The following DUSP22 variants were observed in gnomAD, a reference collection of about 807,000 sequenced individuals.
DUSP22 encodes the protein dual specificity protein phosphatase 22.
DUSP22 carries 24 observed loss-of-function variants against 24.5 expected under a neutral mutation model. The ratio of observed to expected loss-of-function variants is 0.98; its 90% CI spans 0.71 to 1.38. The LOEUF (loss-of-function observed/expected upper bound fraction) is 1.38, where lower values mean the gene tolerates loss of function less well. DUSP22 is among the 40% of genes most tolerant of loss of function. The pLI is 0.00. For missense variants in DUSP22, 330 were observed against 269.2 expected (o/e 1.23, Z -1.58); for synonymous variants, 160 against 106.4 (o/e 1.50, Z -3.10).
intron 4 of DUSP22, among the ~76,000 whole-genome samples, chr6:345,323 C>T (rs1759810133): frequency 6.6e-6 from 1 of 151,888 alleles, no homozygotes; most frequent in Non-Finnish European, 1.5e-5. Flanking sequence ...AATTCTCCTA[C>T]CTCAGCCTCC....
intron 1 of DUSP22, among the ~76,000 whole-genome samples, chr6:297,597 C>T (rs376954289): frequency 6.6e-6 from 1 of 152,298 alleles, no homozygotes; most frequent in Non-Finnish European, 1.5e-5. Context: ...TTGCCAGTAG[C>T]ACCTCCCCAC....
intron 3 of DUSP22, among the ~76,000 whole-genome samples, chr6:327,402 T>A (rs574336208): frequency 1.1e-4 from 17 of 152,420 alleles, no homozygotes; most frequent in Non-Finnish European, 1.6e-4. Flanking sequence ...GTGGCCAGCC[T>A]GGGAGCAGTG....
At chr6:315,268 C>A (rs1233618401) in intron 3 of DUSP22, among the ~76,000 whole-genome samples, 2 of 152,310 alleles carry the variant, frequency 1.3e-5, no homozygotes, top group Non-Finnish European at 2.9e-5. Flanking sequence ...TTCTGAGGAG[C>A]TCTGACCCGT....
chr6:331,684 G>C (rs928101536), intron 3 of DUSP22, among the ~76,000 whole-genome samples: 2 of 152,306 alleles, frequency 1.3e-5, no homozygotes, highest in African/African-American at 4.8e-5. Flanking sequence ...GTAATTAACT[G>C]TCATGAATTG....
intron 2 of DUSP22, among the ~76,000 whole-genome samples, chr6:308,433 T>C (rs1366445524): frequency 6.6e-6 from 1 of 152,296 alleles, no homozygotes; most frequent in African/African-American, 2.4e-5. Context: ...TTAAGCATTT[T>C]ATGCACTCTG....
chr6:327,825 G>A (rs948003500), intron 3 of DUSP22, among the ~76,000 whole-genome samples: 3 of 152,306 alleles, frequency 2.0e-5, no homozygotes, highest in African/African-American at 2.4e-5. Flanking sequence ...CCGGGAGCAG[G>A]GAAGCACAGA....
At chr6:306,940 C>T (rs1286750061) in intron 2 of DUSP22, among the ~76,000 whole-genome samples, 1 of 152,304 alleles carries the variant, frequency 6.6e-6, no homozygotes, top group East Asian at 1.9e-4. Flanking sequence ...GGGTGATGCC[C>T]TCGGTGGGCT....
intron 3 of DUSP22, among the ~76,000 whole-genome samples, chr6:322,844 G>T (rs1368729670): frequency 7.2e-6 from 1 of 138,010 alleles, no homozygotes; most frequent in Admixed American, 7.1e-5. Flanking sequence ...GCGGGGGGGG[G>T]CCTTCGAGTC....
At position 350,162 on chromosome 6, in the gene DUSP22, C is replaced by T. The variant is rs974060687; in HGVS notation, c.*1211C>T. 2.0e-5 allele frequency: 20 copies of T among 986,172 alleles called. No individual in the cohort carries two copies. The South Asian group carries it at 4.7e-4, about 23-fold the overall frequency. The allele number at this position is 986,172 out of a possible 1,614,324, so 61.1% of individuals were successfully genotyped here. A position where few individuals can be genotyped will look rare whatever the true frequency, so the allele number is the denominator to read the frequency against. On this transcript the variant is annotated 3_prime_UTR_variant, in exon 7 of 7. Coordinates refer to ENST00000419235, the MANE Select transcript of DUSP22 (RefSeq NM_001286555.3). ...GCTTTGCCTCACAGTTGAAAATGTT[C>T]GGTCATGATTGCTTTTGAAACCAAA...
intron 3 of DUSP22, chr6:326,305 T>G (rs1236913374): frequency 1.3e-5 from 3 of 236,958 alleles, no homozygotes; most frequent in Non-Finnish European, 1.6e-5. Context: ...CTGTATCTGC[T>G]GGTGTCTGGA....
In DUSP22 at chr6:348,787, G is replaced by A. The variant is rs1471532276; in HGVS notation, c.454G>A (p.Glu152Lys). 1.9e-6 allele frequency: 3 copies of A among 1,614,316 alleles called. No individual in the cohort carries two copies. Among genetic ancestry groups the A allele is most frequent in the East Asian group, 2.2e-5 (1 of 44,892 alleles). ...EVHQYRQWLKEEYGESPLQDA... is the reference protein window; with the variant it reads ...EVHQYRQWLKKEYGESPLQDA... ...TCTCCAGTATCGGCAGTGGCTGAAG[G>A]AAGAATATGGAGAGAGCCCTTTGCA... is the stretch of plus-strand genomic sequence containing the variant. The change falls in exon 7 of 7, where the codon GAA becomes AAA. Residue 152 changes from glutamate to lysine, a missense_variant. Glu to Lys is a moderately conservative substitution (Grantham distance 56, BLOSUM62 1). Coordinates refer to ENST00000419235, the MANE Select transcript of DUSP22 (RefSeq NM_001286555.3).
intron 4 of DUSP22, among the ~76,000 whole-genome samples, chr6:340,531 T>C (rs1314574627): frequency 1.3e-5 from 2 of 152,304 alleles, no homozygotes; most frequent in Non-Finnish European, 2.9e-5. Flanking sequence ...GCAAAAACTT[T>C]TTTTTCTAAG....
intron 3 of DUSP22, among the ~76,000 whole-genome samples, chr6:318,363 A>G (rs1192729264): frequency 1.3e-5 from 2 of 152,308 alleles, no homozygotes; most frequent in Admixed American, 6.5e-5. Flanking sequence ...GCTTATCCTC[A>G]TTAGGAAAAG....
intron 3 of DUSP22, among the ~76,000 whole-genome samples, chr6:330,054 C>A (rs1051035347): frequency 6.6e-6 from 1 of 152,288 alleles, no homozygotes; most frequent in African/African-American, 2.4e-5. Flanking sequence ...AGGGGCCACA[C>A]AGGCCGGTGA....
At chr6:331,144 G>A (rs1027375227) in intron 3 of DUSP22, among the ~76,000 whole-genome samples, 9 of 152,302 alleles carry the variant, frequency 5.9e-5, no homozygotes, top group Admixed American at 2.6e-4. Flanking sequence ...CAGTGTACTC[G>A]AGATTGAAGC....
chr6:301,692 G>C (rs1757588455), intron 1 of DUSP22, among the ~76,000 whole-genome samples: 1 of 152,294 alleles, frequency 6.6e-6, no homozygotes, highest in African/African-American at 2.4e-5. Flanking sequence ...AGAATTGAGA[G>C]AGAGGTGCCA....
chr6:347,748 C>A (rs370304480), intron 5 of DUSP22, among the ~76,000 whole-genome samples: 1 of 152,286 alleles, frequency 6.6e-6, no homozygotes, highest in African/African-American at 2.4e-5. Context: ...TCGCGTAGGC[C>A]CTGGAAGCCT....
rs1404519724 is a variant in DUSP22, at chr6:348,027, C to G, written c.264-76C>G. ...TTCTGAACAAGGTCCTTAGAGTCCC[C>G]CGCTCCACATGGATTGGGCGATGAA... On this transcript the variant is annotated intron_variant, in intron 5 of 6. Coordinates refer to ENST00000419235, the MANE Select transcript of DUSP22 (RefSeq NM_001286555.3). 3 of 1,585,124 alleles carry G rather than the reference C, an allele frequency of 1.9e-6. No individual in the cohort carries two copies. The African/African-American group carries it at 4.0e-5, about 21-fold the overall frequency.
chr6:304,398 GGAT>G (rs1455310957), intron 1 of DUSP22, among the ~76,000 whole-genome samples: 1 of 152,308 alleles, frequency 6.6e-6, no homozygotes, highest in African/African-American at 2.4e-5. Flanking sequence ...CTGCAAATGA[GGAT>G]GACGGGGTCG....
Sources: gnomAD v4.1 joint callset for allele counts (sites outside exome capture counted in the v4.1 genomes callset) on GRCh38, gnomAD v4.1.1 for gene constraint, MANE v1.5 for transcripts, NCBI Gene and HGNC (gene_info 2026-07-23, HGNC 2026-07-21) for gene names.